The following FBXL14 variants were observed in gnomAD, a reference collection of about 807,000 sequenced individuals.
The protein encoded by FBXL14 is F-box and leucine rich repeat protein 14, also known as F-box/LRR-repeat protein 14.
FBXL14 carries 11 observed loss-of-function variants against 24.5 expected under a neutral mutation model. The ratio of observed to expected loss-of-function variants is 0.45; its 90% CI spans 0.28 to 0.74. FBXL14 has a LOEUF of 0.74. Among genes scored for constraint, FBXL14 ranks in the 30% least tolerant of loss-of-function variants. The pLI, the probability that FBXL14 is intolerant of heterozygous loss-of-function variation, is 0.12. For missense variants in FBXL14, 384 were observed against 545.6 expected (o/e 0.70, Z 2.95); for synonymous variants, 294 against 240.4 (o/e 1.22, Z -2.06).
upstream of FBXL14, among the ~76,000 whole-genome samples, chr12:1,594,603 C>T (rs2094497937): frequency 6.7e-6 from 1 of 148,514 alleles, no homozygotes; most frequent in Non-Finnish European, 1.5e-5. Context: ...CCCCGGGCCG[C>T]CCGCACTCCG....
chr12:1,592,775 T>C (rs1417429707), intron 1 of FBXL14, 98 bp downstream of exon 1: 17 of 1,044,634 alleles, frequency 1.6e-5, no homozygotes, highest in Non-Finnish European at 2.3e-5. Flanking sequence ...GCTGCAATGA[T>C]CTGTGCGTAA....
At position 1,593,118 on chromosome 12, in the gene FBXL14, T is replaced by C; in HGVS notation, c.949A>G (p.Ile317Val). Reference sequence around the variant, plus strand: ...ATGCGGTTGATGCCATCATCACTGATGTGGCAGGAGCAGAGGGAGAGAGAC... The same window carrying C: ...ATGCGGTTGATGCCATCATCACTGACGTGGCAGGAGCAGAGGGAGAGAGAC... Reference protein sequence around the residue: ...LKSLSLCSCHISDDGINRMVR... With the variant: ...LKSLSLCSCHVSDDGINRMVR... Residue 317 changes from isoleucine to valine, a missense_variant, in exon 1 of 2, where the codon ATC (isoleucine) becomes GTC (valine). Ile to Val is a conservative substitution (Grantham distance 29, BLOSUM62 3). Coordinates refer to ENST00000339235, the MANE Select transcript of FBXL14 (RefSeq NM_152441.3). The surrounding 1 kb of genome is among the most constrained non-coding windows in gnomAD (Gnocchi z 7.4). 6.2e-7 allele frequency: 1 copy of C among 1,613,724 alleles called. No individual in the cohort carries two copies. Among genetic ancestry groups the C allele is most frequent in the Non-Finnish European group, 8.5e-7 (1 of 1,180,020 alleles).
chr12:1,593,819 C>G lies in FBXL14; in HGVS notation c.248G>C (p.Ser83Thr). The change falls in exon 1 of 2, where the codon AGC (serine) becomes ACC (threonine). Residue 83 changes from serine to threonine, a missense_variant. By Grantham distance (58) the Ser-to-Thr change is moderately conservative. Transcript: ENST00000339235. This position sits in a 1 kb window ranked among gnomAD's most constrained non-coding sequence, Gnocchi z 7.4. The stretch of plus-strand genomic sequence containing the variant: ...GTTGGCCATGCCCTGGATCACGTAG[C>G]TGAGGCTGCGGCGGAGGCTCAGGAT... ...VQILSLRRSL[S>T]YVIQGMANIE... 6.2e-7 allele frequency: 1 copy of G among 1,614,104 alleles called. No homozygotes were observed. The highest frequency in any genetic ancestry group is 8.5e-7 in the Non-Finnish European group (1 of 1,179,994).
In FBXL14 at chr12:1,582,306, A is replaced by G. The variant is rs1325721593; in HGVS notation, c.1194+10567T>C. On this transcript the variant is annotated intron_variant, in intron 1 of 1. Coordinates refer to ENST00000339235, the MANE Select transcript of FBXL14 (RefSeq NM_152441.3). ...GGAAAGCTGTTCTTGGAGGCTATGA[A>G]TCAAGGAGCAGCCCTCCCAGTTCTT... 2.0e-5 allele frequency among the ~76,000 whole-genome samples: 3 copies of G among 152,206 alleles called. No homozygotes were observed. In the East Asian group the frequency reaches 5.8e-4, roughly 29 times the overall value.
intron 1 of FBXL14, among the ~76,000 whole-genome samples, chr12:1,571,800 T>C (rs555871721): frequency 3.2e-4 from 49 of 152,326 alleles, no homozygotes; most frequent in African/African-American, 8.9e-4. Context: ...CAAGTAAGAA[T>C]CAGCTAAGCC....
At chr12:1,583,369 T>C (rs1171290729) in intron 1 of FBXL14, among the ~76,000 whole-genome samples, 1 of 150,682 alleles carries the variant, frequency 6.6e-6, no homozygotes, top group Non-Finnish European at 1.5e-5. Flanking sequence ...TAAGAAGAAT[T>C]AGAAGTTTAA....
At position 1,593,930 on chromosome 12, in the gene FBXL14, C is replaced by A; in HGVS notation, c.137G>T (p.Arg46Leu). 6.3e-7 allele frequency: 1 copy of A among 1,579,798 alleles called. No individual in the cohort carries two copies. The highest frequency in any genetic ancestry group is 8.5e-7 in the Non-Finnish European group (1 of 1,170,166). The change falls in exon 1 of 2, where the codon CGG becomes CTG. Residue 46 changes from arginine to leucine, a missense_variant. Physicochemically the swap from Arg to Leu is moderately radical, Grantham distance 102. Coordinates refer to ENST00000339235, the MANE Select transcript of FBXL14 (RefSeq NM_152441.3). This position sits in a 1 kb window ranked among gnomAD's most constrained non-coding sequence, Gnocchi z 7.4. ...CAGGTGCAGCTTGGCCTCCACCCCCCGCCACACCGACTTGTGGTAGGCGGC... is the reference window on the plus strand; with the variant it reads ...CAGGTGCAGCTTGGCCTCCACCCCCAGCCACACCGACTTGTGGTAGGCGGC... ...RDAAYHKSVW[R>L]GVEAKLHLRR... is the part of the protein sequence containing the mutation.
chr12:1,573,724 G>T (rs1300201029), intron 1 of FBXL14, among the ~76,000 whole-genome samples: 1 of 152,160 alleles, frequency 6.6e-6, no homozygotes, highest in African/African-American at 2.4e-5. Flanking sequence ...GTGAAATGAG[G>T]CCGGGCCTGG....
At position 1,594,096 on chromosome 12, in the gene FBXL14, G is replaced by T; in HGVS notation, c.-30C>A. ...CTCCTCCCCCCTCCGCGGCGCTGGG[G>T]GGAGGAGGCGCGGGCCCCGCCGCTC... On this transcript the variant is annotated 5_prime_UTR_variant, in exon 1 of 2. Transcript: ENST00000339235. 4 of 1,367,836 alleles carry T rather than the reference G, an allele frequency of 2.9e-6. No homozygotes were observed. The highest frequency in any genetic ancestry group is 3.7e-6 in the Non-Finnish European group (4 of 1,066,758). The allele number at this position is 1,367,836 out of a possible 1,614,324, so 84.7% of individuals were successfully genotyped here. A position where few individuals can be genotyped will look rare whatever the true frequency, so the allele number is the denominator to read the frequency against.
At chr12:1,583,569 G>C (rs71454830) in intron 1 of FBXL14, among the ~76,000 whole-genome samples, 4 of 152,166 alleles carry the variant, frequency 2.6e-5, no homozygotes, top group Middle Eastern at 3.2e-3. Context: ...TTGCGGGTGC[G>C]GGTGAAAGAG....
intron 1 of FBXL14, among the ~76,000 whole-genome samples, chr12:1,583,371 G>GAA (rs1478864460): frequency 6.7e-6 from 1 of 148,758 alleles, no homozygotes; most frequent in Admixed American, 6.6e-5. Context: ...AGAAGAATTA[G>GAA]AAGTTTAAAG....
rs1347360548 is a variant in FBXL14 at position 1,594,302 on chromosome 12, C to T, written c.-236G>A. 6.3e-6 allele frequency: 1 copy of T among 159,160 alleles called. No individual in the cohort carries two copies. The highest frequency in any genetic ancestry group is 2.4e-5 in the African/African-American group (1 of 41,198). The allele number at this position is 159,160 out of a possible 1,614,324, so 9.9% of individuals were successfully genotyped here. On this transcript the variant is annotated 5_prime_UTR_variant, in exon 1 of 2. Transcript: ENST00000339235. Reference sequence around the variant, plus strand: ...GCGCCTCCGGCCCGGCCCTCCCCCGCCCCGGGCTCCGCACGGCGCTCACAT... The same window carrying T: ...GCGCCTCCGGCCCGGCCCTCCCCCGTCCCGGGCTCCGCACGGCGCTCACAT...
intron 1 of FBXL14, among the ~76,000 whole-genome samples, chr12:1,590,773 G>A (rs567461940): frequency 6.6e-6 from 1 of 152,256 alleles, no homozygotes; most frequent in African/African-American, 2.4e-5. Flanking sequence ...TGAAAAAGAG[G>A]GCTTGAGCTG....
At chr12:1,590,249 C>T (rs180867359) in intron 1 of FBXL14, among the ~76,000 whole-genome samples, 14 of 152,240 alleles carry the variant, frequency 9.2e-5, no homozygotes, top group Middle Eastern at 3.4e-3. Flanking sequence ...CTCAATTAGA[C>T]CCAATTGTGA....
chr12:1,575,229 T>C (rs1414952714), intron 1 of FBXL14, among the ~76,000 whole-genome samples: 1 of 152,240 alleles, frequency 6.6e-6, no homozygotes, highest in Non-Finnish European at 1.5e-5. Flanking sequence ...CCTCCTTTGC[T>C]CACTGGGTTT....
At chr12:1,574,356 TGA>T (rs2094451049) in intron 1 of FBXL14, among the ~76,000 whole-genome samples, 1 of 127,066 alleles carries the variant, frequency 7.9e-6, no homozygotes, top group Non-Finnish European at 1.8e-5. Context: ...GAGGCTGGGG[TGA>T]GAGGAGGCTG....
chr12:1,591,719 A>G (rs2094490592), intron 1 of FBXL14, among the ~76,000 whole-genome samples: 1 of 152,082 alleles, frequency 6.6e-6, no homozygotes, highest in African/African-American at 2.4e-5. Flanking sequence ...TAGAACAGAG[A>G]TAAGATATGA....
At chr12:1,584,181 C>CA (rs533540752) in intron 1 of FBXL14, among the ~76,000 whole-genome samples, 161 of 146,478 alleles carry the variant, frequency 1.1e-3, no homozygotes, top group South Asian at 4.1e-3. Context: ...CCTGTCTCTA[C>CA]AAAAAAAAAA....
At chr12:1,574,194 C>T (rs1012983125) in intron 1 of FBXL14, among the ~76,000 whole-genome samples, 1 of 152,030 alleles carries the variant, frequency 6.6e-6, no homozygotes, top group Non-Finnish European at 1.5e-5. Context: ...GATAGTCATA[C>T]GATCCTATGA....
Sources: allele counts gnomAD v4.1 joint callset (sites outside exome capture counted in the v4.1 genomes callset), GRCh38; gene constraint gnomAD v4.1.1; non-coding constraint Gnocchi (gnomAD v3.1); transcripts MANE v1.5; gene names NCBI Gene and HGNC (gene_info 2026-07-23, HGNC 2026-07-21).